Variants in WDR72 observed in about 807,000 individuals in gnomAD.
The protein encoded by WDR72 is WD repeat-containing protein 72.
A neutral mutation model predicts 124.2 loss-of-function variants in WDR72; 120 were observed. The observed-to-expected ratio is 0.97, with a 90% CI of 0.83 to 1.12. WDR72 has a LOEUF of 1.12. Ranked by LOEUF, WDR72 falls within the 50% of genes most tolerant of loss-of-function variation. The probability of loss-of-function intolerance (pLI) is 0.00; values close to 1 mark genes in which losing one functional copy is unlikely to be tolerated. For synonymous variants in WDR72, 452 were observed against 441.7 expected (o/e 1.02, Z -0.29); for missense variants, 1,387 against 1,278.8 (o/e 1.08, Z -1.29).
At chr15:53,631,185 C>T (rs11070994) in intron 14 of WDR72, among the ~76,000 whole-genome samples, 49,308 of 151,892 alleles carry the variant, frequency 0.32, 8,815 homozygotes, top group East Asian at 0.46. Flanking sequence ...CTTGGTACTA[C>T]ATAGTGATTG....
At chr15:53,601,529 T>C (rs572540674) in intron 17 of WDR72, among the ~76,000 whole-genome samples, 1 of 152,196 alleles carries the variant, frequency 6.6e-6, no homozygotes, top group East Asian at 1.9e-4. Flanking sequence ...TAAATGTAAA[T>C]GGACTGAATG....
intron 12 of WDR72, 54 bp from the exon 13 acceptor site, chr15:53,699,999 AGT>A (rs2017122279): frequency 6.2e-7 from 1 of 1,606,922 alleles, no homozygotes; most frequent in African/African-American, 1.3e-5. Context: ...TTTCTTTATG[AGT>A]AAGTCAGATT....
chr15:53,551,217 C>T lies in WDR72; in HGVS notation c.3149-27895G>A, dbSNP rs980594275. Among the ~76,000 whole-genome samples the T allele has an allele frequency of 4.6e-5, 7 of 152,090 alleles. No individual in the cohort carries two copies. The East Asian group carries it at 9.7e-4, about 21-fold the overall frequency. On this transcript the variant is annotated intron_variant, in intron 18 of 19. Coordinates refer to ENST00000360509, the MANE Select transcript of WDR72 (RefSeq NM_182758.4). ...GCCAGTGAGACTGGAGGTCAGAATA[C>T]GGGGAGGTGACTGGCAAAAATGAAG...
At chr15:53,610,856 T>C (rs995142415) in intron 16 of WDR72, among the ~76,000 whole-genome samples, 1 of 152,150 alleles carries the variant, frequency 6.6e-6, no homozygotes, top group African/African-American at 2.4e-5. Context: ...ATCTCTGTTT[T>C]TCCTCCCTCT....
At chr15:53,519,829 G>T (rs1464448749) in intron 19 of WDR72, among the ~76,000 whole-genome samples, 1 of 152,014 alleles carries the variant, frequency 6.6e-6, no homozygotes, top group Non-Finnish European at 1.5e-5. Flanking sequence ...TGACCTATAT[G>T]CAGACTGCAG....
intron 6 of WDR72, among the ~76,000 whole-genome samples, chr15:53,713,418 A>ATTTTATTTTG (rs879613029): frequency 1.7e-5 from 2 of 118,308 alleles, no homozygotes; most frequent in South Asian, 2.8e-4. Flanking sequence ...GTTGTATTTT[A>ATTTTATTTTG]TTTTATTTTA....
intron 18 of WDR72, among the ~76,000 whole-genome samples, chr15:53,525,756 G>A (rs1166112477): frequency 2.6e-5 from 4 of 151,984 alleles, no homozygotes; most frequent in African/African-American, 9.7e-5. Flanking sequence ...GACTTGTGTG[G>A]GGGAGGGGAA....
At chr15:53,692,952 C>T (rs2016888405) in intron 13 of WDR72, among the ~76,000 whole-genome samples, 1 of 152,136 alleles carries the variant, frequency 6.6e-6, no homozygotes, top group African/African-American at 2.4e-5. Context: ...AGGGTTCCAT[C>T]TGTAATCTAC....
intron 14 of WDR72, among the ~76,000 whole-genome samples, chr15:53,660,755 C>T (rs552724589): frequency 6.6e-6 from 1 of 152,182 alleles, no homozygotes; most frequent in Non-Finnish European, 1.5e-5. Context: ...CCATTACTTA[C>T]AAATTTGTTT....
At chr15:53,691,840 T>C (rs2016856153) in intron 13 of WDR72, among the ~76,000 whole-genome samples, 1 of 152,264 alleles carries the variant, frequency 6.6e-6, no homozygotes. Flanking sequence ...AAAAATCTTC[T>C]TTCTTTGAAC....
intron 14 of WDR72, among the ~76,000 whole-genome samples, chr15:53,638,445 TG>T (rs1260748214): frequency 6.6e-6 from 1 of 152,158 alleles, no homozygotes; most frequent in African/African-American, 2.4e-5. Context: ...TTCTACTCCA[TG>T]GCAACATGCC....
At chr15:53,703,197 A>AGCCACCGCGCCCAGCCCGTC (rs1468194757) in intron 11 of WDR72, among the ~76,000 whole-genome samples, 4 of 152,320 alleles carry the variant, frequency 2.6e-5, no homozygotes, top group African/African-American at 7.2e-5. Context: ...TACAGGCGGT[A>AGCCACCGCGCCCAGCCCGTC]GCCACCGCGC....
chr15:53,706,375 T>TATATATATATATATATATAC (rs2017375179), intron 9 of WDR72, among the ~76,000 whole-genome samples: 2 of 115,812 alleles, frequency 1.7e-5, no homozygotes, highest in African/African-American at 9.4e-5. Context: ...TATATATATA[T>TATATATATATATATATATAC]ATATATATAT....
chr15:53,639,884 G>C (rs765423127), intron 14 of WDR72, among the ~76,000 whole-genome samples: 1 of 151,928 alleles, frequency 6.6e-6, no homozygotes, highest in Non-Finnish European at 1.5e-5. Flanking sequence ...TAATATCTTA[G>C]AGTTCATAAA....
chr15:53,672,536 T>C (rs1595837250), intron 13 of WDR72, among the ~76,000 whole-genome samples: 1 of 152,262 alleles, frequency 6.6e-6, no homozygotes, highest in South Asian at 2.1e-4. Context: ...AAATAATCAC[T>C]TTGTGATGTA....
intron 18 of WDR72, among the ~76,000 whole-genome samples, chr15:53,546,507 A>T (rs1027926760): frequency 1.7e-4 from 25 of 150,042 alleles, no homozygotes; most frequent in Admixed American, 6.0e-4. Flanking sequence ...CACTCTGGGG[A>T]CTGTGGTGGG....
intron 18 of WDR72, among the ~76,000 whole-genome samples, chr15:53,540,728 G>T (rs1363778621): frequency 2.0e-5 from 3 of 152,158 alleles, no homozygotes; most frequent in Non-Finnish European, 4.4e-5. Context: ...TTCCATCTGA[G>T]GTACCGGGTT....
chr15:53,662,670 T>G (rs1036112795), intron 14 of WDR72, among the ~76,000 whole-genome samples: 14 of 152,164 alleles, frequency 9.2e-5, no homozygotes, highest in Non-Finnish European at 1.6e-4. Flanking sequence ...TTAAGAAAAC[T>G]CATGAAGCAT....
chr15:53,736,373 G>A (rs2018354410), intron 1 of WDR72, among the ~76,000 whole-genome samples: 3 of 152,130 alleles, frequency 2.0e-5, no homozygotes, highest in Admixed American at 2.0e-4. Flanking sequence ...TCCAAGGAGG[G>A]TGAAGAGGAG....
Sources: allele counts gnomAD v4.1 joint callset (sites outside exome capture counted in the v4.1 genomes callset), GRCh38; gene constraint gnomAD v4.1.1; transcripts MANE v1.5; gene names NCBI Gene and HGNC (gene_info 2026-07-23, HGNC 2026-07-21).